DLGAP2: variants seen among roughly 807,000 people sequenced by gnomAD.
The protein encoded by DLGAP2 is DLG associated protein 2, also known as disks large-associated protein 2.
DLGAP2 carries 26 observed loss-of-function variants against 100.3 expected under a neutral mutation model. That is an observed-to-expected ratio of 0.26 (90% CI 0.19 to 0.36). The LOEUF is 0.36. Among genes scored for constraint, DLGAP2 ranks in the 10% least tolerant of loss-of-function variants. The pLI, the probability that DLGAP2 is intolerant of heterozygous loss-of-function variation, is 1.00. For synonymous variants in DLGAP2, 886 were observed against 630.1 expected (o/e 1.41, Z -6.08); for missense variants, 1,858 against 1,453.2 (o/e 1.28, Z -4.53).
chr8:1,573,072 G>T (rs1407194896), intron 6 of DLGAP2, among the ~76,000 whole-genome samples: 2 of 91,726 alleles, frequency 2.2e-5, no homozygotes, highest in Non-Finnish European at 2.2e-5. Flanking sequence ...GGTGAACTGT[G>T]GGGGCATCTG....
chr8:894,729 G>T (rs1798107742), intron 1 of DLGAP2, among the ~76,000 whole-genome samples: 1 of 138,192 alleles, frequency 7.2e-6, no homozygotes, highest in African/African-American at 2.8e-5. Flanking sequence ...GTGGTGGCTG[G>T]CAGGGCAGGG....
intron 2 of DLGAP2, among the ~76,000 whole-genome samples, chr8:1,092,749 A>G (rs1370072128): frequency 6.6e-6 from 1 of 152,176 alleles, no homozygotes; most frequent in Non-Finnish European, 1.5e-5. Flanking sequence ...CTGGGAGCCC[A>G]GATGTGGCTC....
chr8:1,007,688 G>A (rs1335400877), intron 2 of DLGAP2, among the ~76,000 whole-genome samples: 1 of 151,828 alleles, frequency 6.6e-6, no homozygotes, highest in Admixed American at 6.6e-5. Flanking sequence ...CTCTTTAGGA[G>A]TCAGCAGTAG....
intron 1 of DLGAP2, among the ~76,000 whole-genome samples, chr8:798,271 C>T (rs1348777831): frequency 1.3e-5 from 2 of 149,228 alleles, no homozygotes; most frequent in African/African-American, 4.9e-5. Flanking sequence ...TGATTCAGGA[C>T]CTGCAGCCCC....
At chr8:1,022,000 C>T (rs895824979) in intron 2 of DLGAP2, among the ~76,000 whole-genome samples, 3 of 152,194 alleles carry the variant, frequency 2.0e-5, no homozygotes, top group Non-Finnish European at 2.9e-5. Context: ...TGTGCGAAAG[C>T]ATCATGGACA....
chr8:1,407,967 G>GGT (rs1484253185), intron 3 of DLGAP2, among the ~76,000 whole-genome samples: 1 of 152,200 alleles, frequency 6.6e-6, no homozygotes, highest in Non-Finnish European at 1.5e-5. Flanking sequence ...GGGGGTTGGG[G>GGT]TGGGCTGTCC....
chr8:1,452,401 G>C (rs1423973232), intron 3 of DLGAP2, among the ~76,000 whole-genome samples: 1 of 152,242 alleles, frequency 6.6e-6, no homozygotes, highest in Non-Finnish European at 1.5e-5. Flanking sequence ...CGTGCGACAG[G>C]TTCATCAGCC....
chr8:927,075 G>A lies in DLGAP2; in HGVS notation c.73+19109G>A, dbSNP rs369686418. 21 of 985,340 alleles carry A rather than the reference G, an allele frequency of 2.1e-5. No individual in the cohort carries two copies. In the South Asian group the frequency reaches 5.2e-4, roughly 24 times the overall value. The allele number at this position is 985,340 out of a possible 1,614,324, so 61.0% of individuals were successfully genotyped here. A position where few individuals can be genotyped will look rare whatever the true frequency, so the allele number is the denominator to read the frequency against. On this transcript the variant is annotated intron_variant, in intron 2 of 14. Coordinates refer to ENST00000637795, the MANE Select transcript of DLGAP2 (RefSeq NM_001346810.2). ...AGGAGCCGATGTGGGAGAGATCCTCGTGGGAGGGCCCCAGTGGCCGGGATG... is the reference window on the plus strand; with the variant it reads ...AGGAGCCGATGTGGGAGAGATCCTCATGGGAGGGCCCCAGTGGCCGGGATG...
At chr8:1,223,567 T>C (rs1395436370) in intron 2 of DLGAP2, among the ~76,000 whole-genome samples, 6 of 152,246 alleles carry the variant, frequency 3.9e-5, no homozygotes, top group Non-Finnish European at 8.8e-5. Flanking sequence ...GGGTTGTTGA[T>C]CTTCACTTTC....
intron 6 of DLGAP2, among the ~76,000 whole-genome samples, chr8:1,613,551 A>AAAAAG (rs911146044): frequency 6.6e-6 from 1 of 151,960 alleles, no homozygotes; most frequent in African/African-American, 2.4e-5. Flanking sequence ...ATAAAAAAAA[A>AAAAAG]AAAAGAAAAG....
intron 2 of DLGAP2, among the ~76,000 whole-genome samples, chr8:1,116,853 G>A (rs1332713283): frequency 6.6e-6 from 1 of 152,228 alleles, no homozygotes; most frequent in Non-Finnish European, 1.5e-5. Flanking sequence ...GGAACACGAA[G>A]AACTGAATAA....
chr8:1,431,834 G>A (rs1392072406), intron 3 of DLGAP2, among the ~76,000 whole-genome samples: 3 of 152,128 alleles, frequency 2.0e-5, no homozygotes, highest in Non-Finnish European at 2.9e-5. Flanking sequence ...CCTCCGTGTC[G>A]ATGGCCACCA....
At chr8:1,054,784 C>G (rs1452001641) in intron 2 of DLGAP2, among the ~76,000 whole-genome samples, 1 of 152,160 alleles carries the variant, frequency 6.6e-6, no homozygotes, top group Non-Finnish European at 1.5e-5. Flanking sequence ...CTTAAAAAAA[C>G]TCTTGGAGGC....
At chr8:1,237,167 G>GTTCTCTCACATGGCACCATGTCTAGTT (rs1432615014) in intron 2 of DLGAP2, among the ~76,000 whole-genome samples, 13 of 133,806 alleles carry the variant, frequency 9.7e-5, no homozygotes, top group African/African-American at 4.0e-4. Context: ...GCCGTGTCTA[G>GTTCTCTCACATGGCACCATGTCTAGTT]TTCTCTCACA....
chr8:768,440 T>TC (rs1248265538), intron 1 of DLGAP2, among the ~76,000 whole-genome samples: 1 of 147,724 alleles, frequency 6.8e-6, no homozygotes, highest in Non-Finnish European at 1.5e-5. Context: ...TTTTTTTTTT[T>TC]TCTGACATGA....
At position 1,389,991 on chromosome 8, in the gene DLGAP2, C is replaced by T. The variant is rs740243; in HGVS notation, c.107-111375C>T. Reference sequence around the variant, plus strand: ...GTGAACAGGAGCAACCGCAGGCTCTCGTCTGCACCCACGGAGTGTGTCTGG... The same window carrying T: ...GTGAACAGGAGCAACCGCAGGCTCTTGTCTGCACCCACGGAGTGTGTCTGG... On this transcript the variant is annotated intron_variant, in intron 3 of 14. Coordinates refer to ENST00000637795, the MANE Select transcript of DLGAP2 (RefSeq NM_001346810.2). Among the ~76,000 whole-genome samples, 623 of 152,242 alleles carry T rather than the reference C, an allele frequency of 4.1e-3. 10 individuals carry two copies. In the East Asian group the frequency reaches 0.05, roughly 12 times the overall value.
chr8:1,096,006 C>T (rs746390605), intron 2 of DLGAP2, among the ~76,000 whole-genome samples: 1 of 152,148 alleles, frequency 6.6e-6, no homozygotes, highest in Non-Finnish European at 1.5e-5. Context: ...TTTAAGGAAT[C>T]AAGATCTACA....
intron 3 of DLGAP2, among the ~76,000 whole-genome samples, chr8:1,412,969 A>G (rs936530024): frequency 6.6e-6 from 1 of 151,780 alleles, no homozygotes; most frequent in African/African-American, 2.4e-5. Flanking sequence ...CCTCCTCCGT[A>G]AAACAGACTT....
intron 2 of DLGAP2, among the ~76,000 whole-genome samples, chr8:1,012,435 C>A (rs1455103610): frequency 6.6e-6 from 1 of 152,272 alleles, no homozygotes; most frequent in Non-Finnish European, 1.5e-5. Context: ...CTCCAGTAGT[C>A]TCTGTGTGGC....
Sources: gnomAD v4.1 joint callset for allele counts (sites outside exome capture counted in the v4.1 genomes callset) on GRCh38, gnomAD v4.1.1 for gene constraint, MANE v1.5 for transcripts, NCBI Gene and HGNC (gene_info 2026-07-23, HGNC 2026-07-21) for gene names.